WDFY3: variants seen among roughly 807,000 people sequenced by gnomAD.
WDFY3 encodes WD repeat and FYVE domain-containing protein 3.
In WDFY3, 66 loss-of-function variants were observed where a neutral mutation model predicts 409.6. That is an observed-to-expected ratio of 0.16 (90% CI 0.13 to 0.20). WDFY3 has a LOEUF of 0.20. Ranked by LOEUF, WDFY3 falls within the 10% of genes least tolerant of loss-of-function variation. The pLI is 1.00. For missense variants in WDFY3, 3,031 were observed against 4,298.1 expected (o/e 0.71, Z 8.24); for synonymous variants, 1,521 against 1,537.1 (o/e 0.99, Z 0.25).
chr4:84,938,582 TC>T (rs1771726055), intron 1 of WDFY3, among the ~76,000 whole-genome samples: 1 of 152,114 alleles, frequency 6.6e-6, no homozygotes. Flanking sequence ...CCAAACTGGT[TC>T]CAGAGAAAGA....
chr4:84,925,845 T>G (rs1236861268), intron 2 of WDFY3, among the ~76,000 whole-genome samples: 2 of 152,060 alleles, frequency 1.3e-5, no homozygotes, highest in African/African-American at 4.8e-5. Context: ...AAAATGTACA[T>G]ATTCCACAAG....
chr4:84,942,385 T>C (rs1772259696), intron 1 of WDFY3, among the ~76,000 whole-genome samples: 2 of 152,120 alleles, frequency 1.3e-5, no homozygotes, highest in Admixed American at 6.5e-5. Flanking sequence ...TGTCGACACT[T>C]ACTTTTAAAA....
chr4:84,731,181 C>A (rs1044135389), intron 44 of WDFY3, among the ~76,000 whole-genome samples: 2 of 152,106 alleles, frequency 1.3e-5, no homozygotes, highest in Admixed American at 6.6e-5. Flanking sequence ...GACCTGTGGG[C>A]CTCGGATTGG....
chr4:84,854,579 T>C (rs1759486185), intron 4 of WDFY3, among the ~76,000 whole-genome samples: 1 of 152,174 alleles, frequency 6.6e-6, no homozygotes, highest in Non-Finnish European at 1.5e-5. Context: ...TAGATTCTAC[T>C]TCTCACTCTC....
At chr4:84,691,889 G>T in intron 59 of WDFY3, 104 bp from the exon 60 acceptor site, 1 of 1,126,590 alleles carries the variant, frequency 8.9e-7, no homozygotes, top group Non-Finnish European at 1.2e-6. Context: ...CAAGCATCCT[G>T]ATACCTACGT....
chr4:84,720,971 T>C (rs1445835162), intron 47 of WDFY3, among the ~76,000 whole-genome samples: 3 of 152,156 alleles, frequency 2.0e-5, no homozygotes, highest in Non-Finnish European at 4.4e-5. Flanking sequence ...GAAGGTGATG[T>C]CTTCTGTGAG....
At chr4:84,793,086 AG>A (rs1748795889) in intron 21 of WDFY3, among the ~76,000 whole-genome samples, 1 of 152,196 alleles carries the variant, frequency 6.6e-6, no homozygotes, top group Non-Finnish European at 1.5e-5. Flanking sequence ...CTTAGTAGAA[AG>A]GGTGGTATTT....
chr4:84,678,748 C>G (rs945648554), intron 65 of WDFY3, among the ~76,000 whole-genome samples, 171 bp downstream of exon 65: 1 of 152,206 alleles, frequency 6.6e-6, no homozygotes, highest in Non-Finnish European at 1.5e-5. Context: ...CCACTTTACA[C>G]TAGAAGAAAC....
rs1223942170 is a variant in WDFY3, at chr4:84,831,575, G to C, written c.607C>G (p.Pro203Ala). The C allele has an allele frequency of 6.2e-7, 1 of 1,613,104 alleles. No individual in the cohort carries two copies. Among genetic ancestry groups the C allele is most frequent in the African/African-American group, 1.3e-5 (1 of 74,824 alleles). Residue 203 changes from proline (P) to alanine (A), a missense_variant, in exon 8 of 68, where the codon CCT (proline) becomes GCT (alanine). This residue lies in a region of WDFY3 where 1,322 missense variants were observed against 1,697.9 expected (regional missense o/e 0.78). Coordinates refer to ENST00000295888, the MANE Select transcript of WDFY3 (RefSeq NM_014991.6). ...ILVKLCSFVS[P>A]AEELAQKDDL... ...TCTTTCTGAGCCAGCTCCTCCGCAG[G>C]GGAAACAAAACTGCACAGTTTCACT...
At chr4:84,674,893 G>GATAT (rs767907203) in intron 67 of WDFY3, among the ~76,000 whole-genome samples, 9 of 150,092 alleles carry the variant, frequency 6.0e-5, no homozygotes, top group African/African-American at 2.2e-4. Flanking sequence ...AAAAATAAAA[G>GATAT]ATATATATAT....
At chr4:84,855,757 C>T (rs1384562400) in intron 4 of WDFY3, among the ~76,000 whole-genome samples, 3 of 152,122 alleles carry the variant, frequency 2.0e-5, no homozygotes, top group South Asian at 2.1e-4. Flanking sequence ...TGCATTATTT[C>T]GTATGGTAAA....
rs1727733716 is a variant in WDFY3, at chr4:84,683,374, G to GA, written c.9726+568dup. On this transcript the variant is annotated intron_variant, in intron 63 of 67. Coordinates refer to ENST00000295888, the MANE Select transcript of WDFY3 (RefSeq NM_014991.6). ...ACAATTAAAGAAAAACAAGCACAAAGAAAAATCTCCTGAGACAGAAAAACT... is the reference window on the plus strand; with the variant it reads ...ACAATTAAAGAAAAACAAGCACAAAGAAAAAATCTCCTGAGACAGAAAAACT... Among the ~76,000 whole-genome samples the GA allele has an allele frequency of 1.3e-5, 2 of 152,142 alleles. 1 individual carries two copies. The highest frequency in any genetic ancestry group is 1.3e-4 in the Admixed American group (2 of 15,268).
At chr4:84,695,621 C>G (rs947232497) in intron 58 of WDFY3, among the ~76,000 whole-genome samples, 1 of 151,344 alleles carries the variant, frequency 6.6e-6, no homozygotes, top group Admixed American at 6.6e-5. Flanking sequence ...ATGACCATGT[C>G]ATTTCTCTGC....
chr4:84,783,862 T>TACACACACAC lies in WDFY3; in HGVS notation c.4063-798_4063-789dup, dbSNP rs137878462. ...CTTAGATATGTATATGTGTCATACA[T>TACACACACAC]ACACACACACACACACACACACACA... On this transcript the variant is annotated intron_variant, in intron 24 of 67. Coordinates refer to ENST00000295888, the MANE Select transcript of WDFY3 (RefSeq NM_014991.6). Among the ~76,000 whole-genome samples, 936 of 140,906 alleles carry TACACACACAC rather than the reference T, an allele frequency of 6.6e-3. 9 individuals are homozygous for TACACACACAC. Among genetic ancestry groups the TACACACACAC allele is most frequent in the African/African-American group, 0.019 (732 of 38,692 alleles). 92.4% of individuals were successfully genotyped at this position (140,906 alleles called of 152,430 possible).
intron 3 of WDFY3, among the ~76,000 whole-genome samples, chr4:84,868,744 C>A (rs1006747050): frequency 1.3e-5 from 2 of 152,168 alleles, no homozygotes; most frequent in Non-Finnish European, 2.9e-5. Flanking sequence ...CTTTCTACAA[C>A]AGCTCCCACC....
chr4:84,766,154 A>G, intron 31 of WDFY3, 98 bp downstream of exon 31: 1 of 1,490,826 alleles, frequency 6.7e-7, no homozygotes, highest in Non-Finnish European at 9.0e-7. Context: ...AGGGTTAAAA[A>G]AATCTATTTA....
At chr4:84,828,368 CTTA>C (rs5859951) in intron 9 of WDFY3, among the ~76,000 whole-genome samples, 5,704 of 152,096 alleles carry the variant, frequency 0.038, 206 homozygotes, top group Admixed American at 0.11. Flanking sequence ...CATAATTATT[CTTA>C]TTAAGTACAT....
chr4:84,830,397 C>T (rs939631598), intron 8 of WDFY3, among the ~76,000 whole-genome samples: 1 of 152,136 alleles, frequency 6.6e-6, no homozygotes, highest in African/African-American at 2.4e-5. Flanking sequence ...GTTAGATGAT[C>T]TTACCCAACT....
chr4:84,955,760 A>G (rs924274666), intron 1 of WDFY3, among the ~76,000 whole-genome samples: 2 of 152,218 alleles, frequency 1.3e-5, no homozygotes, highest in African/African-American at 4.8e-5. Context: ...CAGGTATATT[A>G]AATTGTTTTT....
Sources: gnomAD v4.1 joint callset for allele counts (sites outside exome capture counted in the v4.1 genomes callset) on GRCh38, gnomAD v4.1.1 for gene constraint, gnomAD v4.1.1 regional missense constraint, MANE v1.5 for transcripts, NCBI Gene and HGNC (gene_info 2026-07-23, HGNC 2026-07-21) for gene names.